PIRT: variants seen among roughly 807,000 people sequenced by gnomAD.
The protein encoded by PIRT is phosphoinositide interacting regulator of transient receptor potential channels, also known as phosphoinositide-interacting protein.
PIRT carries 6 observed loss-of-function variants against 7.9 expected under a neutral mutation model. That is an observed-to-expected ratio of 0.76 (90% CI 0.42 to 1.51). The LOEUF is 1.51. PIRT is among the 40% of genes most tolerant of loss of function. PIRT has a pLI of 0.01. For synonymous variants in PIRT, 78 were observed against 71.8 expected (o/e 1.09, Z -0.44); for missense variants, 170 against 172.9 (o/e 0.98, Z 0.09).
intron 1 of PIRT, among the ~76,000 whole-genome samples, chr17:10,836,176 T>C (rs1266199220): frequency 1.3e-5 from 2 of 152,226 alleles, no homozygotes; most frequent in African/African-American, 2.4e-5. Flanking sequence ...GTGCTAGGAT[T>C]ACAGGCGTGA....
At chr17:10,825,947 T>C (rs1255544496) in intron 1 of PIRT, among the ~76,000 whole-genome samples, 164 bp from the exon 2 acceptor site, 4 of 152,000 alleles carry the variant, frequency 2.6e-5, no homozygotes, top group Non-Finnish European at 5.9e-5. Context: ...ACAAACAAGT[T>C]ATAGTTTTTT....
chr17:10,834,094 T>C (rs1407904836), intron 1 of PIRT, among the ~76,000 whole-genome samples: 2 of 152,152 alleles, frequency 1.3e-5, no homozygotes, highest in Non-Finnish European at 2.9e-5. Flanking sequence ...CAAATGTTTA[T>C]TTGTCCCAGA....
chr17:10,826,715 A>G (rs1905326452), intron 1 of PIRT, among the ~76,000 whole-genome samples: 1 of 152,220 alleles, frequency 6.6e-6, no homozygotes, highest in Non-Finnish European at 1.5e-5. Flanking sequence ...TGTCACTCCT[A>G]CCAGGCTATG....
intron 1 of PIRT, among the ~76,000 whole-genome samples, chr17:10,835,664 G>A (rs941205376): frequency 2.6e-5 from 4 of 152,236 alleles, no homozygotes; most frequent in South Asian, 2.1e-4. Flanking sequence ...TGCCAAGGAC[G>A]CCGGGGTCCC....
chr17:10,831,863 G>A (rs1052089185), intron 1 of PIRT, among the ~76,000 whole-genome samples: 2 of 152,180 alleles, frequency 1.3e-5, no homozygotes, highest in Admixed American at 6.6e-5. Flanking sequence ...ATGTCAGCTC[G>A]CCTGCAGGGC....
intron 1 of PIRT, among the ~76,000 whole-genome samples, chr17:10,830,031 G>T (rs982558692): frequency 6.6e-6 from 1 of 151,688 alleles, no homozygotes; most frequent in African/African-American, 2.4e-5. Context: ...TATCTGCAAT[G>T]GTCCATGAAA....
Position 10,824,129 on chromosome 17 carries a change from A to G in PIRT, c.*1103T>C, listed in dbSNP as rs772330307. 3.3e-5 allele frequency: 5 copies of G among 152,270 alleles called. No homozygotes were observed. Among genetic ancestry groups the G allele is most frequent in the Non-Finnish European group, 5.9e-5 (4 of 68,100 alleles). The allele number at this position is 152,270 out of a possible 1,614,324, so 9.4% of individuals were successfully genotyped here. On this transcript the variant is annotated 3_prime_UTR_variant, in exon 2 of 2. Coordinates refer to ENST00000580256, the MANE Select transcript of PIRT (RefSeq NM_001101387.2). ...TTCCCACACCCACCCACATTTCGCC[A>G]GTTGGCTTGGCTGCCTCTCTCACCT...
At chr17:10,836,547 T>C (rs1905597274) in intron 1 of PIRT, among the ~76,000 whole-genome samples, 1 of 152,208 alleles carries the variant, frequency 6.6e-6, no homozygotes, top group South Asian at 2.1e-4. Context: ...CAAATTGAAC[T>C]GGGCATCTCG....
chr17:10,825,254 T>C lies in PIRT; in HGVS notation c.392A>G (p.Lys131Arg). ...RQKSNFLRSL[K>R]SFFLTR The stretch of plus-strand genomic sequence containing the variant: ...CCATCAGCGAGTCAGGAAGAAGGAC[T>C]TGAGGCTGCGTAAGAAATTCGACTT... The change falls in exon 2 of 2, where the codon AAG becomes AGG. Residue 131 changes from lysine to arginine, a missense_variant. By Grantham distance (26) the Lys-to-Arg change is conservative (BLOSUM62 2). Transcript: ENST00000580256. 6.2e-7 allele frequency: 1 copy of C among 1,613,984 alleles called. No individual in the cohort carries two copies. The highest frequency in any genetic ancestry group is 8.5e-7 in the Non-Finnish European group (1 of 1,179,880).
In PIRT at chr17:10,825,605, T is replaced by C. The variant is rs1905295080; in HGVS notation, c.41A>G (p.Glu14Gly). The C allele has an allele frequency of 6.5e-7, 1 of 1,541,382 alleles. No individual in the cohort carries two copies. Among genetic ancestry groups the C allele is most frequent in the Non-Finnish European group, 8.8e-7 (1 of 1,142,474 alleles). The part of the protein sequence containing the change: ...ETLPKVLEVD[E>G]KSPEAKDLLP... ...CAGGTCCTTGGCTTCTGGAGACTTC[T>C]CATCGACCTCTAGAACCTTGGGGAG... The change falls in exon 2 of 2, where the codon GAG becomes GGG. Residue 14 changes from glutamate to glycine, a missense_variant. Glu to Gly is a moderately conservative substitution (Grantham distance 98). Coordinates refer to ENST00000580256, the MANE Select transcript of PIRT (RefSeq NM_001101387.2).
intron 1 of PIRT, among the ~76,000 whole-genome samples, chr17:10,827,389 T>A (rs2151533767): frequency 6.6e-6 from 1 of 152,102 alleles, no homozygotes; most frequent in Non-Finnish European, 1.5e-5. Flanking sequence ...CGCCAAATAC[T>A]TCACCAGACC....
At chr17:10,833,711 G>A (rs556830005) in intron 1 of PIRT, among the ~76,000 whole-genome samples, 16 of 151,476 alleles carry the variant, frequency 1.1e-4, no homozygotes, top group Admixed American at 6.6e-4. Context: ...CCGAGATCTC[G>A]CCACTGCACT....
intron 1 of PIRT, among the ~76,000 whole-genome samples, chr17:10,826,473 A>G (rs1905315828): frequency 6.6e-6 from 1 of 152,238 alleles, no homozygotes; most frequent in Admixed American, 6.5e-5. Flanking sequence ...AATACTCCAT[A>G]AATGATATCG....
At position 10,829,454 on chromosome 17, in the gene PIRT, T is replaced by C. The variant is rs183844153; in HGVS notation, c.-138-3671A>G. Among the ~76,000 whole-genome samples the C allele has an allele frequency of 4.3e-4, 66 of 152,332 alleles. 1 individual carries two copies. Among genetic ancestry groups the C allele is most frequent in the Admixed American group, 3.5e-3 (54 of 15,300 alleles). On this transcript the variant is annotated intron_variant, in intron 1 of 1. Coordinates refer to ENST00000580256, the MANE Select transcript of PIRT (RefSeq NM_001101387.2). ...CTTGCTGGAAGTAACTAAGACCTTC[T>C]TTCTGGCTCTGCAACGCGGTCGCTA...
chr17:10,834,694 C>A (rs986260886), intron 1 of PIRT, among the ~76,000 whole-genome samples: 2 of 152,074 alleles, frequency 1.3e-5, no homozygotes, highest in African/African-American at 4.8e-5. Flanking sequence ...CGGGTTCACG[C>A]CATTCTCCTG....
chr17:10,823,291 A>T lies in PIRT; in HGVS notation c.*1941T>A, dbSNP rs893880533. ...GTGCAGGGCTAGAGGTGAGCTAGAG[A>T]CATGGCCACACTGGCATGGGTCTCC... On this transcript the variant is annotated 3_prime_UTR_variant, in exon 2 of 2. Coordinates refer to ENST00000580256, the MANE Select transcript of PIRT (RefSeq NM_001101387.2). 2.0e-5 allele frequency: 3 copies of T among 152,278 alleles called. No homozygotes were observed. The highest frequency in any genetic ancestry group is 7.2e-5 in the African/African-American group (3 of 41,476). 9.4% of individuals were successfully genotyped at this position (152,278 alleles called of 1,614,324 possible).
At chr17:10,829,554 C>T (rs1905413827) in intron 1 of PIRT, among the ~76,000 whole-genome samples, 2 of 152,138 alleles carry the variant, frequency 1.3e-5, no homozygotes, top group Admixed American at 1.3e-4. Flanking sequence ...TACCAACCCC[C>T]ACATCAGGCC....
rs546105685 is a variant in PIRT at position 10,827,465 on chromosome 17, C to CTTTTTTTTTTTTTTTTTTTTTTTTTTT, written c.-138-1683_-138-1682insAAAAAAAAAAAAAAAAAAAAAAAAAAA. On this transcript the variant is annotated intron_variant, in intron 1 of 1. Transcript: ENST00000580256. The stretch of plus-strand genomic sequence containing the variant: ...TCTTTCTTTTCTTTCTTTTTCTTTT[C>CTTTTTTTTTTTTTTTTTTTTTTTTTTT]TTTTTTTTTTTTTTTTTTTTTTTTT... Among the ~76,000 whole-genome samples the CTTTTTTTTTTTTTTTTTTTTTTTTTTT allele has an allele frequency of 8.5e-4, 48 of 56,298 alleles. 2 individuals carry two copies. Among genetic ancestry groups the CTTTTTTTTTTTTTTTTTTTTTTTTTTT allele is most frequent in the African/African-American group, 1.3e-3 (17 of 13,330 alleles). 36.9% of individuals were successfully genotyped at this position (56,298 alleles called of 152,430 possible).
chr17:10,837,105 T>A (rs1246888706), intron 1 of PIRT, among the ~76,000 whole-genome samples: 1 of 152,224 alleles, frequency 6.6e-6, no homozygotes, highest in Non-Finnish European at 1.5e-5. Flanking sequence ...GCCACCCATC[T>A]GTCACCTGCT....
Sources: allele counts gnomAD v4.1 joint callset (sites outside exome capture counted in the v4.1 genomes callset), GRCh38; gene constraint gnomAD v4.1.1; transcripts MANE v1.5; gene names NCBI Gene and HGNC (gene_info 2026-07-23, HGNC 2026-07-21).